LTBP1: variants seen among roughly 807,000 people sequenced by gnomAD.
LTBP1 encodes the protein latent-transforming growth factor beta-binding protein 1.
A neutral mutation model predicts 207.6 loss-of-function variants in LTBP1; 129 were observed. That is an observed-to-expected ratio of 0.62 (90% CI 0.54 to 0.72). The LOEUF (loss-of-function observed/expected upper bound fraction) is 0.72, where lower values mean the gene tolerates loss of function less well. LTBP1 is among the 30% of genes least tolerant of loss of function. The pLI, the probability that LTBP1 is intolerant of heterozygous loss-of-function variation, is 0.00. For missense variants in LTBP1, 2,281 were observed against 2,217.2 expected, an observed-to-expected ratio of 1.03 and a Z score of -0.58; for synonymous variants, 963 against 833.7, an observed-to-expected ratio of 1.16 and a Z score of -2.67.
rs35219261 is a variant in LTBP1, at chr2:33,397,506, C to CTTTTT, written c.4984+238_4984+242dup. ...ATGTTCTGTGTATTTTACCACAATT[C>CTTTTT]TTTTTTTTTTTTTTTTTTGAGATGG... On this transcript the variant is annotated intron_variant, in intron 33 of 33. Coordinates refer to ENST00000404816, the MANE Select transcript of LTBP1 (RefSeq NM_206943.4). Among the ~76,000 whole-genome samples, 175 of 112,098 alleles carry CTTTTT rather than the reference C, an allele frequency of 1.6e-3. 4 individuals are homozygous for CTTTTT. Among genetic ancestry groups the CTTTTT allele is most frequent in the African/African-American group, 1.7e-3 (47 of 28,418 alleles). The allele number at this position is 112,098 out of a possible 152,430, so 73.5% of individuals were successfully genotyped here.
rs1246715965 is a variant in LTBP1 at position 33,134,494 on chromosome 2, T to C, written c.1034-299T>C. Reference sequence around the variant, plus strand: ...GCTCTTTGTCTGCCCGTGAATAAAGTGCAGCATTGTGGTTAGTAATCCCAC... The same window carrying C: ...GCTCTTTGTCTGCCCGTGAATAAAGCGCAGCATTGTGGTTAGTAATCCCAC... On this transcript the variant is annotated intron_variant, in intron 4 of 33. Transcript: ENST00000404816. This position sits in a 1 kb window ranked among gnomAD's most constrained non-coding sequence, Gnocchi z 4.4. 2.3e-6 allele frequency: 3 copies of C among 1,294,842 alleles called. No homozygotes were observed. The highest frequency in any genetic ancestry group is 3.0e-5 in the African/African-American group (2 of 67,686). 80.2% of individuals were successfully genotyped at this position (1,294,842 alleles called of 1,614,324 possible).
At chr2:33,140,179 A>G (rs767387196) in intron 5 of LTBP1, among the ~76,000 whole-genome samples, 2 of 152,232 alleles carry the variant, frequency 1.3e-5, no homozygotes, top group Non-Finnish European at 2.9e-5. Context: ...GATGAAGAGC[A>G]GAAGCAGTTC....
chr2:33,336,678 G>A lies in LTBP1; in HGVS notation c.3731-6160G>A, dbSNP rs73925690. 6.0e-3 allele frequency among the ~76,000 whole-genome samples: 916 copies of A among 152,248 alleles called. 11 individuals are homozygous for A. Among genetic ancestry groups the A allele is most frequent in the African/African-American group, 0.021 (872 of 41,524 alleles). ...TCTCTGGAGCGTCCTGGCAGCAGAC[G>A]GAAAGCTCATTAGTGAGCTGCTTCC... On this transcript the variant is annotated intron_variant, in intron 24 of 33. Coordinates refer to ENST00000404816, the MANE Select transcript of LTBP1 (RefSeq NM_206943.4).
At chr2:33,187,362 A>G (rs907831672) in intron 6 of LTBP1, among the ~76,000 whole-genome samples, 24 of 152,198 alleles carry the variant, frequency 1.6e-4, no homozygotes, top group Non-Finnish European at 3.1e-4. Context: ...TGTGCATGGT[A>G]CTGTTCTGAC....
At chr2:33,308,614 C>G (rs1279419730) in intron 22 of LTBP1, among the ~76,000 whole-genome samples, 3 of 152,146 alleles carry the variant, frequency 2.0e-5, no homozygotes, top group African/African-American at 7.2e-5. Flanking sequence ...GATGCTACTA[C>G]TTTGTCAGAT....
At chr2:33,009,229 G>A (rs949205429) in intron 2 of LTBP1, among the ~76,000 whole-genome samples, 1 of 152,176 alleles carries the variant, frequency 6.6e-6, no homozygotes, top group Non-Finnish European at 1.5e-5. Flanking sequence ...TGTCTTTAAA[G>A]TAGAGCTAAC....
At chr2:33,029,934 A>G (rs547619777) in intron 3 of LTBP1, among the ~76,000 whole-genome samples, 141 of 152,338 alleles carry the variant, frequency 9.3e-4, no homozygotes, top group Non-Finnish European at 1.8e-3. Context: ...GTGACAACCT[A>G]TTCATTACAG....
At position 33,136,906 on chromosome 2, in the gene LTBP1, C is replaced by T. The variant is rs139670153; in HGVS notation, c.1201+1946C>T. ...CAGAACTCCACTCTCCATATAGGAT[C>T]GGCAGAGCAGTTTAATTTTTTGAAA... On this transcript the variant is annotated intron_variant, in intron 5 of 33. Coordinates refer to ENST00000404816, the MANE Select transcript of LTBP1 (RefSeq NM_206943.4). 2.9e-3 allele frequency among the ~76,000 whole-genome samples: 439 copies of T among 152,246 alleles called. 1 individual carries two copies. The highest frequency in any genetic ancestry group is 9.8e-3 in the African/African-American group (406 of 41,524).
chr2:33,394,023 T>C (rs1356391116), intron 32 of LTBP1, among the ~76,000 whole-genome samples: 1 of 151,966 alleles, frequency 6.6e-6, no homozygotes, highest in Non-Finnish European at 1.5e-5. Context: ...GGTTTTGATT[T>C]GCATTCCTCT....
chr2:32,989,694 T>C (rs1684113848), intron 2 of LTBP1, among the ~76,000 whole-genome samples: 1 of 152,208 alleles, frequency 6.6e-6, no homozygotes, highest in Admixed American at 6.5e-5. Flanking sequence ...AGTTGCATTG[T>C]AGACATGCCA....
At chr2:33,349,656 T>C (rs1390511882) in intron 26 of LTBP1, among the ~76,000 whole-genome samples, 1 of 152,192 alleles carries the variant, frequency 6.6e-6, no homozygotes, top group African/African-American at 2.4e-5. Context: ...TTTTACAGTT[T>C]TTCTCAATTT....
chr2:33,115,098 A>T lies in LTBP1; in HGVS notation c.1033+4347A>T, dbSNP rs572609320. The stretch of plus-strand genomic sequence containing the variant: ...CGTATACACAAATATATATACACAC[A>T]TATATGTACACACACACACACATAT... On this transcript the variant is annotated intron_variant, in intron 4 of 33. Transcript: ENST00000404816. Among the ~76,000 whole-genome samples the T allele has an allele frequency of 2.0e-4, 19 of 96,210 alleles. 1 individual carries two copies. The South Asian group carries it at 7.3e-3, about 37-fold the overall frequency. 63.1% of individuals were successfully genotyped at this position (96,210 alleles called of 152,430 possible). A position where few individuals can be genotyped will look rare whatever the true frequency, so the allele number is the denominator to read the frequency against.
intron 7 of LTBP1, among the ~76,000 whole-genome samples, chr2:33,207,205 T>TC (rs1351727542): frequency 2.6e-5 from 4 of 152,184 alleles, no homozygotes; most frequent in Admixed American, 6.5e-5. Flanking sequence ...GGGTTTTTTT[T>TC]CCCTTCATAT....
intron 2 of LTBP1, among the ~76,000 whole-genome samples, chr2:33,007,523 T>G (rs1306122834): frequency 6.6e-6 from 1 of 152,240 alleles, no homozygotes; most frequent in Non-Finnish European, 1.5e-5. Context: ...TATTTTAGCT[T>G]AATGCTGCTG....
intron 26 of LTBP1, among the ~76,000 whole-genome samples, chr2:33,352,070 G>C (rs908659737): frequency 2.0e-5 from 3 of 151,982 alleles, no homozygotes; most frequent in African/African-American, 7.3e-5. Flanking sequence ...AAGCCTCTCT[G>C]GCTGACAGTT....
At chr2:33,210,755 A>G (rs1573204741) in intron 7 of LTBP1, among the ~76,000 whole-genome samples, 1 of 152,084 alleles carries the variant, frequency 6.6e-6, no homozygotes, top group Admixed American at 6.5e-5. Flanking sequence ...CTCCGTTGCC[A>G]CTGGCTTTTC....
At chr2:33,184,108 T>C (rs1427614343) in intron 5 of LTBP1, among the ~76,000 whole-genome samples, 1 of 152,172 alleles carries the variant, frequency 6.6e-6, no homozygotes, top group African/African-American at 2.4e-5. Context: ...ATCATCCTAA[T>C]TATATGTTTT....
At chr2:33,289,480 C>T (rs948849881) in intron 19 of LTBP1, among the ~76,000 whole-genome samples, 1 of 152,116 alleles carries the variant, frequency 6.6e-6, no homozygotes, top group East Asian at 1.9e-4. Flanking sequence ...CTGCCTCAGC[C>T]TCCCAAGTAG....
chr2:33,154,485 G>A (rs1194987497), intron 5 of LTBP1, among the ~76,000 whole-genome samples: 1 of 152,116 alleles, frequency 6.6e-6, no homozygotes, highest in Non-Finnish European at 1.5e-5. Context: ...ATTGTACCAT[G>A]CGTTGTTCAG....
Sources: gnomAD v4.1 joint callset for allele counts (sites outside exome capture counted in the v4.1 genomes callset) on GRCh38, gnomAD v4.1.1 for gene constraint, Gnocchi (gnomAD v3.1) non-coding constraint, MANE v1.5 for transcripts, NCBI Gene and HGNC (gene_info 2026-07-23, HGNC 2026-07-21) for gene names.